The following CASP4 variants were observed in gnomAD, a reference collection of about 807,000 sequenced individuals.
CASP4 encodes caspase 4, also known as caspase-4.
In CASP4, 29 loss-of-function variants were observed where a neutral mutation model predicts 41.3. That is an observed-to-expected ratio of 0.70 (90% CI 0.52 to 0.96). The LOEUF (loss-of-function observed/expected upper bound fraction) is 0.96, where lower values mean the gene tolerates loss of function less well. Among genes scored for constraint, CASP4 ranks in the 40% least tolerant of loss-of-function variants. CASP4 has a pLI of 0.00. For missense variants in CASP4, 447 were observed against 460.6 expected (o/e 0.97, Z 0.27); for synonymous variants, 185 against 158.4 (o/e 1.17, Z -1.26).
chr11:104,954,690 G>T, intron 2 of CASP4, 57 bp downstream of exon 2: 2 of 1,495,412 alleles, frequency 1.3e-6, no homozygotes, highest in Non-Finnish European at 1.8e-6. Flanking sequence ...CTTAGGCCTT[G>T]GAGTTAAACA....
intron 2 of CASP4, 56 bp downstream of exon 2, chr11:104,954,691 G>C: frequency 6.6e-7 from 1 of 1,513,138 alleles, no homozygotes; most frequent in Non-Finnish European, 9.1e-7. Flanking sequence ...TTAGGCCTTG[G>C]AGTTAAACAG....
chr11:104,952,062 A>G, intron 2 of CASP4, 57 bp from the exon 3 acceptor site: 1 of 1,031,640 alleles, frequency 9.7e-7, no homozygotes, highest in Non-Finnish European at 1.5e-6. Context: ...CCAATTTATC[A>G]CCTAAGAAGA....
chr11:104,943,438 A>G (rs1020838964), intron 8 of CASP4: 1 of 157,204 alleles, frequency 6.4e-6, no homozygotes, highest in African/African-American at 2.4e-5. Flanking sequence ...TCACTCCCCA[A>G]CTCTGTCCAT....
chr11:104,959,588 C>T (rs1489953997), intron 1 of CASP4, among the ~76,000 whole-genome samples: 1 of 152,128 alleles, frequency 6.6e-6, no homozygotes, highest in Non-Finnish European at 1.5e-5. Flanking sequence ...GGTATTGAAA[C>T]CTATACATTC....
rs1860598446 is a variant in CASP4 at position 104,951,024 on chromosome 11, C to T, written c.447G>A (p.Leu149=). 1 of 1,613,530 alleles carries T rather than the reference C, an allele frequency of 6.2e-7. No individual in the cohort carries two copies. The highest frequency in any genetic ancestry group is 2.2e-5 in the East Asian group (1 of 44,878). Residue 149 remains leucine, a synonymous_variant, in exon 4 of 9, where the codon CTG becomes CTA. Transcript: ENST00000444739. The part of the protein sequence containing the change: ...LIICNTEFDH[L]PPRNGADFDI... ...CAAAGTCAGCTCCATTCCTCGGAGG[C>T]AGATGGTCAAACTCTGTATTGCATA...
intron 5 of CASP4, 151 bp downstream of exon 5, chr11:104,949,392 T>C: frequency 1.3e-6 from 1 of 792,572 alleles, no homozygotes; most frequent in Non-Finnish European, 2.0e-6. Context: ...TTTCTTGTTA[T>C]ACCAGACCCT....
chr11:104,951,889 A>C lies in CASP4; in HGVS notation c.372+7T>G. On this transcript the variant is annotated splice_region_variant and intron_variant, in intron 3 of 8. Coordinates refer to ENST00000444739, the MANE Select transcript of CASP4 (RefSeq NM_001225.4). ...TTTTTTTCTATTTCATATAGATAGC[A>C]TAGCACCTCTTCAGCTCTTTCTTTA... is the stretch of plus-strand genomic sequence containing the variant. 6.4e-7 allele frequency: 1 copy of C among 1,556,882 alleles called. No homozygotes were observed. The highest frequency in any genetic ancestry group is 8.9e-7 in the Non-Finnish European group (1 of 1,128,672).
In CASP4 at chr11:104,951,114, A is replaced by T. The variant is rs761194773; in HGVS notation, c.373-16T>A. ...TTGGATAGATCTGCAGGATATGGAGATGCAATAAATTTAATTTACTCAAGT... is the reference window on the plus strand; with the variant it reads ...TTGGATAGATCTGCAGGATATGGAGTTGCAATAAATTTAATTTACTCAAGT... On this transcript the variant is annotated splice_polypyrimidine_tract_variant and intron_variant, in intron 3 of 8. Transcript: ENST00000444739. 4 of 1,603,690 alleles carry T rather than the reference A, an allele frequency of 2.5e-6. No homozygotes were observed. Among genetic ancestry groups the T allele is most frequent in the African/African-American group, 1.3e-5 (1 of 74,346 alleles).
At chr11:104,949,798 A>G (rs1860562920) in intron 4 of CASP4, 21 bp from the exon 5 acceptor site, 1 of 1,609,332 alleles carries the variant, frequency 6.2e-7, no homozygotes, top group Non-Finnish European at 8.5e-7. Flanking sequence ...GCAATGTCTA[A>G]CTTCAGTCAG....
rs767774212 is a variant in CASP4 at position 104,947,119 on chromosome 11, A to T, written c.999T>A (p.Tyr333Ter). 13 of 1,612,890 alleles carry T rather than the reference A, an allele frequency of 8.1e-6. No homozygotes were observed. Among genetic ancestry groups the T allele is most frequent in the Non-Finnish European group, 1.1e-5 (13 of 1,179,052 alleles). The change falls in exon 7 of 9, where the codon TAT (tyrosine) becomes TAA (stop). Residue 333 changes from tyrosine (Y) to a stop codon, truncating the protein, a stop_gained. Coordinates refer to ENST00000444739, the MANE Select transcript of CASP4 (RefSeq NM_001225.4). LOFTEE classifies it high-confidence loss of function. ...ITQLITCFQK[Y>*]SWCCHLEEVF... ...CTTCCTCTAGGTGGCAGCACCAAGA[A>T]TATTTCTGGAAGCATGTGATGAGTT...
chr11:104,961,609 G>T (rs1408177348), intron 1 of CASP4, among the ~76,000 whole-genome samples: 2 of 152,204 alleles, frequency 1.3e-5, no homozygotes, highest in Admixed American at 6.5e-5. Context: ...AGTAGGAAGA[G>T]TCTTGGTTCA....
chr11:104,949,388 G>A (rs1591126827), intron 5 of CASP4, 155 bp downstream of exon 5: 7 of 761,616 alleles, frequency 9.2e-6, no homozygotes, highest in Non-Finnish European at 1.5e-5. Context: ...ACAATTTCTT[G>A]TTATACCAGA....
chr11:104,945,213 C>T (rs1860426292), intron 7 of CASP4, among the ~76,000 whole-genome samples: 1 of 151,734 alleles, frequency 6.6e-6, no homozygotes, highest in South Asian at 2.1e-4. Context: ...AGGCTGATTC[C>T]TCAATTGAAG....
At chr11:104,966,797 C>T (rs1418946917) in intron 1 of CASP4, among the ~76,000 whole-genome samples, 3 of 152,148 alleles carry the variant, frequency 2.0e-5, no homozygotes, top group African/African-American at 4.8e-5. Context: ...GAGAGTCATG[C>T]CAACCTGAGA....
At chr11:104,956,527 G>T in intron 1 of CASP4, 1 of 309,124 alleles carries the variant, frequency 3.2e-6, no homozygotes. Flanking sequence ...TATAGTAACT[G>T]GGAACAAGAA....
At chr11:104,957,888 T>C (rs1860770588) in intron 1 of CASP4, among the ~76,000 whole-genome samples, 2 of 151,800 alleles carry the variant, frequency 1.3e-5, no homozygotes, top group South Asian at 4.1e-4. Flanking sequence ...GAGTTCAAAA[T>C]AGACTACAAA....
At chr11:104,945,563 CTTATCT>C (rs1403944728) in intron 7 of CASP4, among the ~76,000 whole-genome samples, 1 of 152,028 alleles carries the variant, frequency 6.6e-6, no homozygotes, top group Non-Finnish European at 1.5e-5. Flanking sequence ...GCCCCAGTAT[CTTATCT>C]TTAAGACCCA....
chr11:104,957,315 CT>C (rs1860758052), intron 1 of CASP4, among the ~76,000 whole-genome samples: 1 of 152,052 alleles, frequency 6.6e-6, no homozygotes, highest in African/African-American at 2.4e-5. Flanking sequence ...TGCAAAAATA[CT>C]TAGAAATCAA....
chr11:104,948,455 G>T, intron 6 of CASP4, 78 bp downstream of exon 6: 2 of 1,345,392 alleles, frequency 1.5e-6, no homozygotes, highest in East Asian at 2.4e-5. Context: ...TTGTTTCATA[G>T]GGATTCTTGA....
Sources: gnomAD v4.1 joint callset for allele counts (sites outside exome capture counted in the v4.1 genomes callset) on GRCh38, gnomAD v4.1.1 for gene constraint, MANE v1.5 for transcripts, NCBI Gene and HGNC (gene_info 2026-07-23, HGNC 2026-07-21) for gene names.